Variants in PYROXD1 observed in about 807,000 individuals in gnomAD.
PYROXD1 encodes tRNA ligase complex-associated NAD(P)H dehydrogenase PYROXD1.
In PYROXD1, 42 loss-of-function variants were observed where a neutral mutation model predicts 62.0. The ratio of observed to expected loss-of-function variants is 0.68; its 90% CI spans 0.53 to 0.88. The LOEUF is 0.88. Ranked by LOEUF, PYROXD1 falls within the 40% of genes least tolerant of loss-of-function variation. The pLI, the probability that PYROXD1 is intolerant of heterozygous loss-of-function variation, is 0.00. For missense variants in PYROXD1, 493 were observed against 604.8 expected (o/e 0.82, Z 1.94); for synonymous variants, 170 against 206.4 (o/e 0.82, Z 1.51).
intron 8 of PYROXD1, among the ~76,000 whole-genome samples, chr12:21,461,566 G>C (rs531661718): frequency 6.6e-6 from 1 of 152,246 alleles, no homozygotes; most frequent in South Asian, 2.1e-4. Flanking sequence ...AATACACTCA[G>C]TTAACTAGCA....
intron 4 of PYROXD1, 133 bp from the exon 5 acceptor site, chr12:21,451,948 A>G (rs1942506784): frequency 9.6e-6 from 6 of 626,246 alleles, no homozygotes; most frequent in Non-Finnish European, 1.1e-5. Context: ...ATACAGTGGG[A>G]AAGTGAGATT....
chr12:21,452,178 A>G lies in PYROXD1; in HGVS notation c.488+24A>G, dbSNP rs760601213. On this transcript the variant is annotated intron_variant, in intron 5 of 11. Coordinates refer to ENST00000240651, the MANE Select transcript of PYROXD1 (RefSeq NM_024854.5). ...GTGTAAGTATATATTTTTAAATATG[A>G]TAACATTTAAATTGTTTAAAAATAA... is the stretch of plus-strand genomic sequence containing the variant. 2.6e-5 allele frequency: 35 copies of G among 1,365,960 alleles called. No individual in the cohort carries two copies. In the South Asian group the frequency reaches 3.1e-4, roughly 12 times the overall value. The allele number at this position is 1,365,960 out of a possible 1,614,324, so 84.6% of individuals were successfully genotyped here.
chr12:21,440,294 C>T (rs1220179064), intron 1 of PYROXD1, 74 bp from the exon 2 acceptor site: 4 of 806,438 alleles, frequency 5.0e-6, no homozygotes, highest in South Asian at 3.5e-5. Flanking sequence ...TTGCATTATT[C>T]TCAACCCCAA....
chr12:21,441,356 A>G (rs1268989636), intron 2 of PYROXD1: 1 of 152,170 alleles, frequency 6.6e-6, no homozygotes, highest in Non-Finnish European at 1.5e-5. Context: ...CTTTAAATAC[A>G]TGTTCTACTC....
chr12:21,438,733 CAT>C (rs1404556866), intron 1 of PYROXD1, among the ~76,000 whole-genome samples: 1 of 152,140 alleles, frequency 6.6e-6, no homozygotes, highest in Non-Finnish European at 1.5e-5. Context: ...ATAAAGTAAA[CAT>C]GAGCAATCAC....
intron 10 of PYROXD1, among the ~76,000 whole-genome samples, chr12:21,466,951 G>A (rs747009206): frequency 6.6e-6 from 1 of 152,058 alleles, no homozygotes; most frequent in East Asian, 1.9e-4. Context: ...TACAATAGAT[G>A]AATTAATACG....
intron 9 of PYROXD1, 114 bp downstream of exon 9, chr12:21,462,234 G>T (rs1942711849): frequency 9.5e-6 from 6 of 633,248 alleles, no homozygotes; most frequent in South Asian, 4.2e-5. Flanking sequence ...AACTTAACAT[G>T]GTTGGAAACA....
chr12:21,457,433 C>CTTTTTTTTTT (rs202025872), intron 7 of PYROXD1, among the ~76,000 whole-genome samples: 1 of 136,172 alleles, frequency 7.3e-6, no homozygotes. Flanking sequence ...TGAAATGAAT[C>CTTTTTTTTTT]TTTTTTTTTT....
At chr12:21,444,760 A>T (rs1942356048) in intron 2 of PYROXD1, among the ~76,000 whole-genome samples, 1 of 152,146 alleles carries the variant, frequency 6.6e-6, no homozygotes. Context: ...ATCAATCTGT[A>T]AGGCTGTGTG....
chr12:21,464,127 G>A (rs1381574807), intron 10 of PYROXD1, among the ~76,000 whole-genome samples: 1 of 126,398 alleles, frequency 7.9e-6, no homozygotes, highest in Non-Finnish European at 1.7e-5. Context: ...CTTAGAGTTG[G>A]AGTTTATGGG....
Position 21,471,242 on chromosome 12 carries a change from T to C in PYROXD1, c.*2488T>C. ...TTTACAAGAATGCAAATAAAGCCTT[T>C]AAAGAAAATATTTTCGTTACTTTTT... On this transcript the variant is annotated 3_prime_UTR_variant, in exon 12 of 12. Coordinates refer to ENST00000240651, the MANE Select transcript of PYROXD1 (RefSeq NM_024854.5). 1 of 1,032,540 alleles carries C rather than the reference T, an allele frequency of 9.7e-7. No individual in the cohort carries two copies. The highest frequency in any genetic ancestry group is 1.4e-6 in the Non-Finnish European group (1 of 735,630). 64.0% of individuals were successfully genotyped at this position (1,032,540 alleles called of 1,614,324 possible).
At chr12:21,446,103 T>C (rs1402441302) in intron 3 of PYROXD1, among the ~76,000 whole-genome samples, 4 of 152,194 alleles carry the variant, frequency 2.6e-5, no homozygotes, top group Non-Finnish European at 4.4e-5. Flanking sequence ...AGTGAGAACC[T>C]GAAGGGTTTT....
rs1366889616 is a variant in PYROXD1, at chr12:21,462,755, G to T, written c.1009G>T (p.Asp337Tyr). 2.5e-6 allele frequency: 4 copies of T among 1,613,790 alleles called. No individual in the cohort carries two copies. The highest frequency in any genetic ancestry group is 3.4e-6 in the Non-Finnish European group (4 of 1,179,896). Reference sequence around the variant, plus strand: ...TGTTGTTTAGTTTGATCTAGGAGAAGATGGTGGCCTGAAAGTGGATGATCA... The same window carrying T: ...TGTTGTTTAGTTTGATCTAGGAGAATATGGTGGCCTGAAAGTGGATGATCA... ...LHGNSFDLGE[D>Y]GGLKVDDHMH... Residue 337 changes from aspartate (D) to tyrosine (Y), a missense_variant, in exon 10 of 12, where the codon GAT (aspartate) becomes TAT (tyrosine). Asp to Tyr is a radical substitution (Grantham distance 160). Transcript: ENST00000240651.
Position 21,452,123 on chromosome 12 carries a change from A to G in PYROXD1, c.457A>G (p.Ile153Val). 6.3e-7 allele frequency: 1 copy of G among 1,588,352 alleles called. No individual in the cohort carries two copies. Among genetic ancestry groups the G allele is most frequent in the Non-Finnish European group, 8.6e-7 (1 of 1,166,598 alleles). Residue 153 changes from isoleucine to valine, a missense_variant, in exon 5 of 12, where the codon ATA (isoleucine) becomes GTA (valine). This residue lies in a region of PYROXD1 where 329 missense variants were observed against 446.6 expected (regional missense o/e 0.74). Transcript: ENST00000240651. ...QLTKAKRIMIIGNGGIALELV... is the reference protein window; with the variant it reads ...QLTKAKRIMIVGNGGIALELV... ...TACTAAAGCTAAAAGAATAATGATCATAGGGAACGGTGGTATTGCACTTGA... is the reference window on the plus strand; with the variant it reads ...TACTAAAGCTAAAAGAATAATGATCGTAGGGAACGGTGGTATTGCACTTGA...
intron 10 of PYROXD1, among the ~76,000 whole-genome samples, chr12:21,466,509 TG>T (rs1205133096): frequency 6.6e-6 from 1 of 152,216 alleles, no homozygotes. Context: ...TTTTGCACAT[TG>T]ATTTTGTATC....
chr12:21,468,017 GT>G (rs34425665), intron 11 of PYROXD1, among the ~76,000 whole-genome samples: 5 of 145,140 alleles, frequency 3.4e-5, no homozygotes, highest in South Asian at 2.1e-4. Context: ...GTTGTTTTGG[GT>G]TTTTTTTTTT....
intron 10 of PYROXD1, among the ~76,000 whole-genome samples, chr12:21,464,218 C>T (rs1231360317): frequency 2.7e-5 from 4 of 150,840 alleles, no homozygotes; most frequent in African/African-American, 4.9e-5. Context: ...GGAAAAAATC[C>T]GAAAATAAAC....
chr12:21,452,232 T>G, intron 5 of PYROXD1, 78 bp downstream of exon 5: 1 of 943,488 alleles, frequency 1.1e-6, no homozygotes, highest in Non-Finnish European at 1.5e-6. Flanking sequence ...AATTGCTTTG[T>G]GATTCTTGTG....
At chr12:21,464,209 G>GA (rs112852303) in intron 10 of PYROXD1, among the ~76,000 whole-genome samples, 2,346 of 151,322 alleles carry the variant, frequency 0.016, 24 homozygotes, top group Middle Eastern at 0.051. Context: ...TGAAAGAGGG[G>GA]AAAAAATCCG....
Sources: allele counts gnomAD v4.1 joint callset (sites outside exome capture counted in the v4.1 genomes callset), GRCh38; gene constraint gnomAD v4.1.1; regional missense constraint gnomAD v4.1.1; transcripts MANE v1.5; gene names NCBI Gene and HGNC (gene_info 2026-07-23, HGNC 2026-07-21).